ERBB4: variants seen among roughly 807,000 people sequenced by gnomAD.
ERBB4 encodes erb-b2 receptor tyrosine kinase 4.
In ERBB4, 42 loss-of-function variants were observed where a neutral mutation model predicts 158.0. The observed-to-expected ratio is 0.27, with a 90% confidence interval of 0.21 to 0.34. ERBB4 has a LOEUF of 0.34. Ranked by LOEUF, ERBB4 falls within the 10% of genes least tolerant of loss-of-function variation. The probability of loss-of-function intolerance (pLI) is 1.00; values close to 1 mark genes in which losing one functional copy is unlikely to be tolerated. For missense variants in ERBB4, 1,333 were observed against 1,624.1 expected (o/e 0.82, Z 3.08); for synonymous variants, 583 against 558.7 (o/e 1.04, Z -0.61).
At chr2:211,882,803 G>C (rs1363176040) in intron 3 of ERBB4, among the ~76,000 whole-genome samples, 1 of 152,168 alleles carries the variant, frequency 6.6e-6, no homozygotes, top group Non-Finnish European at 1.5e-5. Flanking sequence ...CAATTGAAGA[G>C]ACTGACAGAA....
At chr2:211,540,771 T>C (rs944278950) in intron 20 of ERBB4, among the ~76,000 whole-genome samples, 3 of 151,940 alleles carry the variant, frequency 2.0e-5, no homozygotes, top group African/African-American at 7.2e-5. Context: ...AGCTCTCTAA[T>C]GGTTATTCTT....
chr2:211,972,246 G>A (rs2125205024), intron 2 of ERBB4, among the ~76,000 whole-genome samples: 1 of 152,208 alleles, frequency 6.6e-6, no homozygotes, highest in African/African-American at 2.4e-5. Flanking sequence ...GCTCAAAGAA[G>A]TCAGAGATGA....
chr2:211,478,966 C>T (rs1459781572), intron 20 of ERBB4, among the ~76,000 whole-genome samples: 1 of 152,126 alleles, frequency 6.6e-6, no homozygotes, highest in Non-Finnish European at 1.5e-5. Context: ...TCTCTAATCA[C>T]TTTTTACTTA....
intron 19 of ERBB4, among the ~76,000 whole-genome samples, chr2:211,582,374 G>C (rs1230140985): frequency 6.6e-6 from 1 of 152,098 alleles, no homozygotes; most frequent in African/African-American, 2.4e-5. Flanking sequence ...ACTCTCCAAA[G>C]AAATCCCTGT....
chr2:211,886,305 T>C (rs1019452133), intron 3 of ERBB4, among the ~76,000 whole-genome samples: 3 of 152,224 alleles, frequency 2.0e-5, no homozygotes, highest in Admixed American at 2.0e-4. Flanking sequence ...ATAGCTTTTA[T>C]GCCTATCTTC....
intron 1 of ERBB4, among the ~76,000 whole-genome samples, chr2:212,328,885 C>A (rs942210279): frequency 6.6e-6 from 1 of 151,990 alleles, no homozygotes; most frequent in African/African-American, 2.4e-5. Context: ...GCTGTGAATT[C>A]TCTCCTTATA....
intron 2 of ERBB4, among the ~76,000 whole-genome samples, chr2:212,051,179 G>A (rs947244491): frequency 2.0e-5 from 3 of 152,026 alleles, no homozygotes; most frequent in African/African-American, 7.2e-5. Flanking sequence ...GGTAATATTT[G>A]GGTTGTATCA....
intron 20 of ERBB4, among the ~76,000 whole-genome samples, chr2:211,545,793 C>T (rs1424792584): frequency 6.6e-6 from 1 of 151,968 alleles, no homozygotes; most frequent in African/African-American, 2.4e-5. Flanking sequence ...ATACAATTAG[C>T]CTTGTCAAGG....
At chr2:211,476,315 T>C (rs1001162330) in intron 20 of ERBB4, among the ~76,000 whole-genome samples, 3 of 152,068 alleles carry the variant, frequency 2.0e-5, no homozygotes, top group Non-Finnish European at 2.9e-5. Flanking sequence ...CATGGTTTGA[T>C]AGACATTGAG....
intron 20 of ERBB4, among the ~76,000 whole-genome samples, chr2:211,481,525 C>CTT (rs397974472): frequency 2.2e-5 from 3 of 139,420 alleles, no homozygotes; most frequent in African/African-American, 7.8e-5. Context: ...GGCTGGAAAT[C>CTT]TTTTTTTTTT....
intron 20 of ERBB4, among the ~76,000 whole-genome samples, chr2:211,446,320 T>A (rs1379335885): frequency 6.6e-6 from 1 of 152,138 alleles, no homozygotes; most frequent in African/African-American, 2.4e-5. Flanking sequence ...TATTCTATTG[T>A]CCTCAGAAGC....
intron 20 of ERBB4, among the ~76,000 whole-genome samples, chr2:211,523,205 C>T (rs912257971): frequency 1.5e-5 from 2 of 134,324 alleles, no homozygotes; most frequent in Non-Finnish European, 3.1e-5. Flanking sequence ...ATCAGGTGAG[C>T]GCTCACAGTA....
intron 3 of ERBB4, among the ~76,000 whole-genome samples, chr2:211,836,947 G>A (rs2077356726): frequency 6.6e-6 from 1 of 151,854 alleles, no homozygotes; most frequent in African/African-American, 2.4e-5. Flanking sequence ...TAAGAGAAAA[G>A]TTTTTTAAAA....
At chr2:211,946,811 A>G (rs1025133045) in intron 3 of ERBB4, among the ~76,000 whole-genome samples, 6 of 151,940 alleles carry the variant, frequency 3.9e-5, no homozygotes, top group African/African-American at 1.4e-4. Flanking sequence ...CTTACAAAAT[A>G]AATTCCTATC....
intron 1 of ERBB4, among the ~76,000 whole-genome samples, chr2:212,204,470 G>A (rs971672776): frequency 1.3e-5 from 2 of 152,056 alleles, no homozygotes; most frequent in African/African-American, 4.8e-5. Flanking sequence ...GGCCAAGACA[G>A]GCTGATCATT....
At chr2:212,529,070 A>T (rs749951450) in intron 1 of ERBB4, among the ~76,000 whole-genome samples, 1 of 152,146 alleles carries the variant, frequency 6.6e-6, no homozygotes, top group African/African-American at 2.4e-5. Context: ...ACTTAATAAC[A>T]TATTTTTGTA....
At chr2:211,673,519 A>G (rs1198537522) in intron 13 of ERBB4, among the ~76,000 whole-genome samples, 1 of 145,972 alleles carries the variant, frequency 6.9e-6, no homozygotes, top group Non-Finnish European at 1.5e-5. Flanking sequence ...AGCAATCTCA[A>G]AAAAAAAAAA....
intron 1 of ERBB4, among the ~76,000 whole-genome samples, chr2:212,282,519 G>A (rs116889674): frequency 6.6e-6 from 1 of 152,056 alleles, no homozygotes; most frequent in East Asian, 1.9e-4. Flanking sequence ...GGGACCTCGA[G>A]TGTGTCCATC....
chr2:211,877,764 A>G (rs1438145496), intron 3 of ERBB4, among the ~76,000 whole-genome samples: 1 of 152,220 alleles, frequency 6.6e-6, no homozygotes, highest in Non-Finnish European at 1.5e-5. Context: ...ATAATAGATA[A>G]TATTTTTATT....
Sources: gnomAD v4.1 joint callset for allele counts (sites outside exome capture counted in the v4.1 genomes callset) on GRCh38, gnomAD v4.1.1 for gene constraint, MANE v1.5 for transcripts, NCBI Gene and HGNC (gene_info 2026-07-23, HGNC 2026-07-21) for gene names.